Variants in VPS11 observed in about 807,000 individuals in gnomAD.
The protein encoded by VPS11 is vacuolar protein sorting-associated protein 11 homolog.
Under a neutral mutation model 106.8 loss-of-function variants are expected in VPS11, and 51 were observed. The ratio of observed to expected loss-of-function variants is 0.48; its 90% CI spans 0.38 to 0.60. The LOEUF (loss-of-function observed/expected upper bound fraction) is 0.60, where lower values mean the gene tolerates loss of function less well. Among genes scored for constraint, VPS11 ranks in the 20% least tolerant of loss-of-function variants. The probability of loss-of-function intolerance (pLI) is 0.00; values close to 1 mark genes in which losing one functional copy is unlikely to be tolerated. For synonymous variants in VPS11, 453 were observed against 458.7 expected (o/e 0.99, Z 0.16); for missense variants, 950 against 1,190.0 (o/e 0.80, Z 2.97).
rs1945391275 is a variant in VPS11, at chr11:119,071,502, A to C, written c.637-94A>C. The C allele has an allele frequency of 2.0e-6, 3 of 1,493,826 alleles. No homozygotes were observed. The South Asian group carries it at 4.0e-5, about 20-fold the overall frequency. The allele number at this position is 1,493,826 out of a possible 1,614,324, so 92.5% of individuals were successfully genotyped here. On this transcript the variant is annotated intron_variant, in intron 4 of 15. Transcript: ENST00000621676. ...GAAAGACTTTAGAATGCCAAGAGGG[A>C]AAAAAGAGCCAGTATGGAGATGGGA...
intron 4 of VPS11, 64 bp from the exon 5 acceptor site, chr11:119,071,532 C>T: frequency 1.9e-6 from 3 of 1,579,624 alleles, no homozygotes; most frequent in Non-Finnish European, 2.6e-6. Context: ...ATGGGAATAC[C>T]TTTGTGAAGG....
chr11:119,071,547 G>C (rs782294349), intron 4 of VPS11, 49 bp from the exon 5 acceptor site: 1 of 1,600,932 alleles, frequency 6.2e-7, no homozygotes, highest in South Asian at 1.1e-5. Context: ...TGAAGGCTTA[G>C]AGTTACCTCC....
intron 7 of VPS11, among the ~76,000 whole-genome samples, chr11:119,075,998 T>G (rs1945600711): frequency 6.6e-6 from 1 of 151,758 alleles, no homozygotes; most frequent in Admixed American, 6.6e-5. Flanking sequence ...GAGGCTGAGG[T>G]GGGCGGATCA....
rs1243094823 is a variant in VPS11, at chr11:119,073,249, C to T, written c.936C>T (p.Asn312=). The change falls in exon 6 of 16, where the codon AAC becomes AAT. Residue 312 remains asparagine (N), a synonymous_variant. Transcript: ENST00000621676. Reference sequence around the variant, plus strand: ...AGAGCTCCGACAAGCAGATTCTAAACATCTATGACCTGTGCAACAAGTTCA... The same window carrying T: ...AGAGCTCCGACAAGCAGATTCTAAATATCTATGACCTGTGCAACAAGTTCA... ...DSQSSDKQIL[N]IYDLCNKFIA... The T allele has an allele frequency of 1.9e-6, 3 of 1,613,928 alleles. No homozygotes were observed. The highest frequency in any genetic ancestry group is 1.7e-6 in the Non-Finnish European group (2 of 1,179,844).
intron 7 of VPS11, among the ~76,000 whole-genome samples, chr11:119,075,856 C>T (rs565064954): frequency 1.1e-3 from 160 of 151,696 alleles, no homozygotes; most frequent in Middle Eastern, 3.4e-3. Flanking sequence ...GAGCCAAGAT[C>T]GTGCCACTGC....
rs1945692305 is a variant in VPS11 at position 119,077,947 on chromosome 11, T to A, written c.1642T>A (p.Tyr548Asn). 6.2e-7 allele frequency: 1 copy of A among 1,614,042 alleles called. No individual in the cohort carries two copies. Among genetic ancestry groups the A allele is most frequent in the East Asian group, 2.2e-5 (1 of 44,884 alleles). Residue 548 changes from tyrosine (Y) to asparagine (N), a missense_variant, in exon 10 of 16, where the codon TAC (tyrosine) becomes AAC (asparagine). By Grantham distance (143) the Tyr-to-Asn change is moderately radical. This residue lies in a region of VPS11 where 453 missense variants were observed against 514.6 expected (regional missense o/e 0.88). Coordinates refer to ENST00000621676, the MANE Select transcript of VPS11 (RefSeq NM_021729.6). The part of the protein sequence containing the change: ...FEQAESNMKR[Y>N]GKILMHHIPE... ...GCAGGCAGAGAGCAACATGAAGCGC[T>A]ACGGCAAGATCCTCATGCACCACAT...
In VPS11 at chr11:119,072,051, C is replaced by T. The variant is rs540722177; in HGVS notation, c.884+208C>T. 2.5e-4 allele frequency: 139 copies of T among 546,722 alleles called. 1 individual carries two copies. In the East Asian group the frequency reaches 3.4e-3, roughly 14 times the overall value. The allele number at this position is 546,722 out of a possible 1,614,324, so 33.9% of individuals were successfully genotyped here. A position where few individuals can be genotyped will look rare whatever the true frequency, so the allele number is the denominator to read the frequency against. On this transcript the variant is annotated intron_variant, in intron 5 of 15. Transcript: ENST00000621676. The stretch of plus-strand genomic sequence containing the variant: ...GCGTGATCTCGGCTCACTGCAGCCT[C>T]GCCTCCTGGGTTCCAGTGATACTCC...
At chr11:119,080,673 A>G (rs1945819239) in intron 14 of VPS11, among the ~76,000 whole-genome samples, 1 of 152,150 alleles carries the variant, frequency 6.6e-6, no homozygotes, top group African/African-American at 2.4e-5. Flanking sequence ...CCAGCCAAAT[A>G]GACAAAGTTT....
intron 14 of VPS11, among the ~76,000 whole-genome samples, chr11:119,080,784 G>A (rs1945822484): frequency 6.6e-6 from 1 of 152,166 alleles, no homozygotes; most frequent in South Asian, 2.1e-4. Flanking sequence ...GCCCAGGAAA[G>A]GCCTCAGTGA....
At chr11:119,077,772 C>A in intron 9 of VPS11, 106 bp from the exon 10 acceptor site, 1 of 1,553,548 alleles carries the variant, frequency 6.4e-7, no homozygotes, top group Non-Finnish European at 8.7e-7. Flanking sequence ...AGACTCTCAA[C>A]TTGGGCAGAG....
At chr11:119,068,341 G>A (rs2133641655) in intron 1 of VPS11, 1 of 389,686 alleles carries the variant, frequency 2.6e-6, no homozygotes, top group Non-Finnish European at 4.5e-6. Context: ...AAAGTGACAT[G>A]ATTTCCCCTG....
Position 119,067,840 on chromosome 11 carries a change from A to G in VPS11, c.17A>G (p.Gln6Arg). The G allele has an allele frequency of 6.4e-7, 1 of 1,551,250 alleles. No homozygotes were observed. Among genetic ancestry groups the G allele is most frequent in the Non-Finnish European group, 8.7e-7 (1 of 1,145,980 alleles). Residue 6 changes from glutamine (Q) to arginine (R), a missense_variant, in exon 1 of 16, where the codon CAG becomes CGG. Gln to Arg is a conservative substitution (Grantham distance 43). Transcript: ENST00000621676. ...TGGGCCAAAATGGCGGCCTACCTGCAGTGGCGGCGCTTCGTTTTCTTCGAC... is the reference window on the plus strand; with the variant it reads ...TGGGCCAAAATGGCGGCCTACCTGCGGTGGCGGCGCTTCGTTTTCTTCGAC... Reference protein sequence around the residue: MAAYLQWRRFVFFDKE... With the variant: MAAYLRWRRFVFFDKE...
In VPS11 at chr11:119,081,918, G is replaced by T; in HGVS notation, c.*295G>T. 2.6e-6 allele frequency: 1 copy of T among 377,714 alleles called. No homozygotes were observed. The highest frequency in any genetic ancestry group is 4.8e-6 in the Non-Finnish European group (1 of 209,002). The allele number at this position is 377,714 out of a possible 1,614,324, so 23.4% of individuals were successfully genotyped here. A position where few individuals can be genotyped will look rare whatever the true frequency, so the allele number is the denominator to read the frequency against. On this transcript the variant is annotated 3_prime_UTR_variant, in exon 16 of 16. Transcript: ENST00000621676. ...CTTCTCTATCCAAGAGCACCAGGCT[G>T]TGCTTGGGTCCTTGCTCTCAGAGTC...
At chr11:119,074,041 A>G in intron 7 of VPS11, 90 bp downstream of exon 7, 1 of 1,412,772 alleles carries the variant, frequency 7.1e-7, no homozygotes, top group Non-Finnish European at 9.5e-7. Flanking sequence ...GGTAGGGGCT[A>G]GAATTCTACC....
rs1555202802 is a variant in VPS11 at position 119,075,542 on chromosome 11, T to TAA, written c.1239-1334_1239-1333dup. The stretch of plus-strand genomic sequence containing the variant: ...CAACATGGTGAAACCCTGTCTCCAC[T>TAA]AAAAAAAAAAAAAAAAAAAAAATAC... On this transcript the variant is annotated intron_variant, in intron 7 of 15. Coordinates refer to ENST00000621676, the MANE Select transcript of VPS11 (RefSeq NM_021729.6). 1.8e-3 allele frequency among the ~76,000 whole-genome samples: 202 copies of TAA among 111,596 alleles called. 1 individual carries two copies. The highest frequency in any genetic ancestry group is 6.4e-3 in the African/African-American group (173 of 26,954). 73.2% of individuals were successfully genotyped at this position (111,596 alleles called of 152,430 possible). A position where few individuals can be genotyped will look rare whatever the true frequency, so the allele number is the denominator to read the frequency against.
Position 119,078,298 on chromosome 11 carries a change from G to C in VPS11, c.1887G>C (p.Leu629=). The C allele has an allele frequency of 6.2e-7, 1 of 1,612,818 alleles. No individual in the cohort carries two copies. Among genetic ancestry groups the C allele is most frequent in the Non-Finnish European group, 8.5e-7 (1 of 1,179,878 alleles). The change falls in exon 11 of 16, where the codon CTG becomes CTC. Residue 629 remains leucine, a synonymous_variant. Coordinates refer to ENST00000621676, the MANE Select transcript of VPS11 (RefSeq NM_021729.6). ...PQGIYDTLLE[L]RLQNWAHEKD... is the part of the protein sequence containing the mutation. ...GGATCTACGACACACTCCTTGAGCTGCGACTGCAGAACTGGGCCCACGAGA... is the reference window on the plus strand; with the variant it reads ...GGATCTACGACACACTCCTTGAGCTCCGACTGCAGAACTGGGCCCACGAGA...
chr11:119,071,691 C>T lies in VPS11; in HGVS notation c.732C>T (p.Asp244=). The change falls in exon 5 of 16, where the codon GAC becomes GAT. Residue 244 remains aspartate (D), a synonymous_variant. Coordinates refer to ENST00000621676, the MANE Select transcript of VPS11 (RefSeq NM_021729.6). ...RCSALSDPSQ[D]LQFIVAGDEC... ...CAGCCCTAAGTGACCCTTCTCAGGA[C>T]CTGCAGTTCATTGTGGCCGGGGATG... The T allele has an allele frequency of 6.2e-7, 1 of 1,614,032 alleles. No homozygotes were observed. The highest frequency in any genetic ancestry group is 8.5e-7 in the Non-Finnish European group (1 of 1,179,888).
At chr11:119,078,520 G>T in intron 11 of VPS11, 45 bp from the exon 12 acceptor site, 1 of 1,597,410 alleles carries the variant, frequency 6.3e-7, no homozygotes. Context: ...GAGACCTTGT[G>T]ATTTTCCCCT....
Position 119,078,651 on chromosome 11 carries a change from C to T in VPS11, c.2010C>T (p.Cys670=). The T allele has an allele frequency of 6.2e-7, 1 of 1,613,646 alleles. No homozygotes were observed. Among genetic ancestry groups the T allele is most frequent in the Non-Finnish European group, 8.5e-7 (1 of 1,179,650 alleles). Residue 670 remains cysteine (C), a synonymous_variant, in exon 12 of 16, where the codon TGC becomes TGT. Transcript: ENST00000621676. ...TCTTTGACAAGGCCCTGGTCCTGTG[C>T]CAGATGCACGACTTCCAGGATGGTG... The part of the protein sequence containing the change: ...CDVFDKALVL[C]QMHDFQDGVL...
Sources: gnomAD v4.1 joint callset for allele counts (sites outside exome capture counted in the v4.1 genomes callset) on GRCh38, gnomAD v4.1.1 for gene constraint, gnomAD v4.1.1 regional missense constraint, MANE v1.5 for transcripts, NCBI Gene and HGNC (gene_info 2026-07-23, HGNC 2026-07-21) for gene names.